The following KCND2 variants were observed in gnomAD, a reference collection of about 807,000 sequenced individuals.
KCND2 encodes the protein potassium voltage-gated channel subfamily D member 2.
Under a neutral mutation model 54.4 loss-of-function variants are expected in KCND2, and 16 were observed. The ratio of observed to expected loss-of-function variants is 0.29; its 90% CI spans 0.20 to 0.45. KCND2 has a LOEUF of 0.45. KCND2 is among the 20% of genes least tolerant of loss of function. KCND2 has a pLI of 1.00. For synonymous variants in KCND2, 317 were observed against 310.7 expected (o/e 1.02, Z -0.21); for missense variants, 486 against 824.2 (o/e 0.59, Z 5.02).
chr7:120,692,497 AGG>A (rs1326456531), intron 1 of KCND2, among the ~76,000 whole-genome samples: 1 of 152,192 alleles, frequency 6.6e-6, no homozygotes, highest in African/African-American at 2.4e-5. Flanking sequence ...ACACACCAAC[AGG>A]ACCCAAATTC....
chr7:120,377,950 A>G (rs1314579934), intron 1 of KCND2, among the ~76,000 whole-genome samples: 1 of 151,912 alleles, frequency 6.6e-6, no homozygotes, highest in Non-Finnish European at 1.5e-5. Flanking sequence ...GACCCCCACT[A>G]AAGCAATTAA....
chr7:120,489,340 C>T (rs1451042672), intron 1 of KCND2, among the ~76,000 whole-genome samples: 2 of 151,830 alleles, frequency 1.3e-5, no homozygotes, highest in Non-Finnish European at 2.9e-5. Flanking sequence ...AATACATATA[C>T]AATATACAAA....
intron 1 of KCND2, among the ~76,000 whole-genome samples, chr7:120,354,245 A>G (rs1401329912): frequency 6.6e-6 from 1 of 152,186 alleles, no homozygotes; most frequent in Non-Finnish European, 1.5e-5. Flanking sequence ...CCACTACTAC[A>G]GGTTTTGCAA....
intron 1 of KCND2, among the ~76,000 whole-genome samples, chr7:120,679,495 A>G (rs1792113388): frequency 6.6e-6 from 1 of 151,930 alleles, no homozygotes; most frequent in South Asian, 2.1e-4. Flanking sequence ...TGAAAAGGGA[A>G]CTGACATGAT....
At chr7:120,499,352 ATTCAT>A (rs150971943) in intron 1 of KCND2, among the ~76,000 whole-genome samples, 6,974 of 152,234 alleles carry the variant, frequency 0.046, 256 homozygotes, top group Non-Finnish European at 0.067. Flanking sequence ...GTGTTAGCCT[ATTCAT>A]TTCATTTTAT....
intron 1 of KCND2, among the ~76,000 whole-genome samples, chr7:120,339,345 A>C (rs566312027): frequency 6.6e-6 from 1 of 152,286 alleles, no homozygotes; most frequent in South Asian, 2.1e-4. Context: ...ACATAGAAGA[A>C]ATATAAATAT....
At chr7:120,584,417 A>G (rs1372441065) in intron 1 of KCND2, among the ~76,000 whole-genome samples, 1 of 152,200 alleles carries the variant, frequency 6.6e-6, no homozygotes, top group Admixed American at 6.5e-5. Flanking sequence ...CTCATGTTGT[A>G]ATTTTCCAAA....
intron 1 of KCND2, among the ~76,000 whole-genome samples, chr7:120,429,108 C>G (rs939684803): frequency 6.6e-6 from 1 of 152,108 alleles, no homozygotes; most frequent in East Asian, 1.9e-4. Flanking sequence ...ATAGAAGAGC[C>G]AAACTCACGG....
At chr7:120,552,493 AAAG>A (rs1282496176) in intron 1 of KCND2, among the ~76,000 whole-genome samples, 2 of 152,248 alleles carry the variant, frequency 1.3e-5, no homozygotes, top group Admixed American at 6.5e-5. Context: ...TTCTTAAGGA[AAAG>A]AAGACCTAAG....
chr7:120,468,665 T>G (rs991954108), intron 1 of KCND2, among the ~76,000 whole-genome samples: 1 of 152,184 alleles, frequency 6.6e-6, no homozygotes, highest in Non-Finnish European at 1.5e-5. Flanking sequence ...CCTATCTATA[T>G]GCCACGATTT....
rs1351438940 is a variant in KCND2, at chr7:120,275,761, T to C, written c.1115+14T>C. ...GACAACACTAGGGTAGGTGCCATAA[T>C]GGGAAATGGGATGGAGGTTGGGTAT... On this transcript the variant is annotated intron_variant, in intron 1 of 5. Coordinates refer to ENST00000331113, the MANE Select transcript of KCND2 (RefSeq NM_012281.3). 1.3e-6 allele frequency: 2 copies of C among 1,599,852 alleles called. No homozygotes were observed. The highest frequency in any genetic ancestry group is 1.7e-6 in the Non-Finnish European group (2 of 1,179,888).
At chr7:120,729,441 A>G (rs1159005754) in intron 1 of KCND2, among the ~76,000 whole-genome samples, 2 of 152,232 alleles carry the variant, frequency 1.3e-5, no homozygotes. Context: ...AGTATGAGGA[A>G]GAAGGCAGCT....
intron 1 of KCND2, among the ~76,000 whole-genome samples, chr7:120,608,867 T>G (rs1188694543): frequency 6.6e-6 from 1 of 152,136 alleles, no homozygotes; most frequent in Non-Finnish European, 1.5e-5. Flanking sequence ...CTTTTATGAT[T>G]AAATTGTCTG....
intron 1 of KCND2, among the ~76,000 whole-genome samples, chr7:120,659,022 C>T (rs558646140): frequency 7.2e-5 from 11 of 152,174 alleles, no homozygotes; most frequent in Non-Finnish European, 1.3e-4. Context: ...CATAACAGTC[C>T]TCGGTATGTA....
intron 1 of KCND2, among the ~76,000 whole-genome samples, chr7:120,299,430 A>G (rs768927696): frequency 2.3e-4 from 35 of 152,140 alleles, no homozygotes; most frequent in Non-Finnish European, 3.8e-4. Context: ...CTGGATGTCT[A>G]AAGTTTTCAC....
At chr7:120,367,814 A>G (rs1584749711) in intron 1 of KCND2, among the ~76,000 whole-genome samples, 2 of 152,202 alleles carry the variant, frequency 1.3e-5, no homozygotes, top group East Asian at 3.9e-4. Flanking sequence ...CAAAAGGAGC[A>G]AGTAGCAGTG....
chr7:120,376,526 T>G (rs936098858), intron 1 of KCND2, among the ~76,000 whole-genome samples: 6 of 150,168 alleles, frequency 4.0e-5, no homozygotes, highest in Non-Finnish European at 7.4e-5. Context: ...TATTAAATAA[T>G]CTATAAAGTG....
At chr7:120,294,964 A>G (rs557849372) in intron 1 of KCND2, among the ~76,000 whole-genome samples, 10 of 151,948 alleles carry the variant, frequency 6.6e-5, no homozygotes, top group South Asian at 2.1e-4. Flanking sequence ...CAGGACGTGT[A>G]TCTAACTTCA....
chr7:120,607,278 T>A (rs1032299860), intron 1 of KCND2, among the ~76,000 whole-genome samples: 2 of 152,092 alleles, frequency 1.3e-5, no homozygotes, highest in African/African-American at 4.8e-5. Flanking sequence ...ATTTTGACAA[T>A]TTTGGTCAGA....
Sources: allele counts gnomAD v4.1 joint callset (sites outside exome capture counted in the v4.1 genomes callset), GRCh38; gene constraint gnomAD v4.1.1; transcripts MANE v1.5; gene names NCBI Gene and HGNC (gene_info 2026-07-23, HGNC 2026-07-21).